Variants in EHMT2 observed in about 807,000 individuals in gnomAD.
EHMT2 encodes the protein euchromatic histone lysine methyltransferase 2, also known as histone-lysine N-methyltransferase EHMT2.
A neutral mutation model predicts 143.3 loss-of-function variants in EHMT2; 59 were observed. That is an observed-to-expected ratio of 0.41 (90% CI 0.33 to 0.51). The LOEUF is 0.51. EHMT2 is among the 20% of genes least tolerant of loss of function. The probability of loss-of-function intolerance (pLI) is 0.18; values close to 1 mark genes in which losing one functional copy is unlikely to be tolerated. For missense variants in EHMT2, 1,174 were observed against 1,645.9 expected (o/e 0.71, Z 4.96); for synonymous variants, 604 against 651.5 (o/e 0.93, Z 1.11).
Position 31,889,293 on chromosome 6 carries a change from C to A in EHMT2, c.1049G>T (p.Ser350Ile). The A allele has an allele frequency of 6.2e-7, 1 of 1,612,446 alleles. No individual in the cohort carries two copies. The highest frequency in any genetic ancestry group is 8.5e-7 in the Non-Finnish European group (1 of 1,180,008). ...TTTCCGAGACGGCTTCACCCATGGG[C>A]TGTCTTTTCGCCATTTCTTCTTGGC... The change falls in exon 9 of 28, where the codon AGC becomes ATC. Residue 350 changes from serine (S) to isoleucine (I), a missense_variant. Physicochemically the swap from Ser to Ile is moderately radical, Grantham distance 142 (BLOSUM62 -2). Coordinates refer to ENST00000375537, the Ensembl canonical transcript of EHMT2. The surrounding 1 kb of genome is among the most constrained non-coding windows in gnomAD (Gnocchi z 5.1).
intron 1 of EHMT2, chr6:31,897,296 G>T: frequency 1.6e-6 from 1 of 643,232 alleles, no homozygotes; most frequent in Non-Finnish European, 2.1e-6. Flanking sequence ...CTCCCCCTTT[G>T]TCCCCCAGGC....
chr6:31,882,635 T>C, intron 25 of EHMT2, 64 bp downstream of exon 25: 1 of 1,490,984 alleles, frequency 6.7e-7, no homozygotes, highest in Non-Finnish European at 9.2e-7. Context: ...GAGGGAGGCC[T>C]GGCAGTCAGC....
intron 17 of EHMT2, 23 bp downstream of exon 17, chr6:31,886,752 C>T (rs755389952): frequency 1.5e-5 from 24 of 1,613,994 alleles, no homozygotes; most frequent in East Asian, 2.2e-5. Context: ...CCGGGGGCCA[C>T]GCCCTGCTGC....
Position 31,884,934 on chromosome 6 carries a change from G to A in EHMT2, c.2426C>T (p.Ala809Val). The stretch of plus-strand genomic sequence containing the variant: ...CACGTTGTCAGTGAGGGTGACGTCG[G>A]CGCCCCGCGTCAGTAGCATGCGGAT... The change falls in exon 19 of 28, where the codon GCC (alanine) becomes GTC (valine). Residue 809 changes from alanine (A) to valine (V), a missense_variant. Ala to Val is a moderately conservative substitution (Grantham distance 64). Around this residue, in one of 6 missense-constraint regions of EHMT2, gnomAD observed 608 missense variants for 903.7 expected, o/e 0.67. Coordinates refer to ENST00000375537, the Ensembl canonical transcript of EHMT2. The surrounding 1 kb of genome is among the most constrained non-coding windows in gnomAD (Gnocchi z 7.3). 1 of 1,606,634 alleles carries A rather than the reference G, an allele frequency of 6.2e-7. No homozygotes were observed. Among genetic ancestry groups the A allele is most frequent in the Non-Finnish European group, 8.5e-7 (1 of 1,174,294 alleles).
At position 31,880,976 on chromosome 6, in the gene EHMT2, C is replaced by T; in HGVS notation, c.3276+38G>A. 1 of 1,610,440 alleles carries T rather than the reference C, an allele frequency of 6.2e-7. No homozygotes were observed. ...TTCCCAGAGGCTCCTGAAAGCCAGC[C>T]CTGGGGAGCAGCAGGGTAAGGAGGG... is the stretch of plus-strand genomic sequence containing the variant. On this transcript the variant is annotated intron_variant, in intron 26 of 27. Coordinates refer to ENST00000375537, the Ensembl canonical transcript of EHMT2. This position sits in a 1 kb window ranked among gnomAD's most constrained non-coding sequence, Gnocchi z 6.6.
At position 31,888,353 on chromosome 6, in the gene EHMT2, G is replaced by A. The variant is rs768465924; in HGVS notation, c.1509+10C>T. On this transcript the variant is annotated intron_variant, in intron 12 of 27. Transcript: ENST00000375537. This position sits in a 1 kb window ranked among gnomAD's most constrained non-coding sequence, Gnocchi z 7.4. ...GGGCATGCTACCTGTCTGCCCCACT[G>A]GTCACTCACCGCCGTGCAGAAGTAG... The A allele has an allele frequency of 1.2e-6, 2 of 1,612,262 alleles. No individual in the cohort carries two copies. Among genetic ancestry groups the A allele is most frequent in the East Asian group, 4.5e-5 (2 of 44,850 alleles).
chr6:31,886,617 C>A, exon 18 of EHMT2: 1 of 1,613,370 alleles, frequency 6.2e-7, no homozygotes, highest in Non-Finnish European at 8.5e-7. Context: ...TGCTCAGCAG[C>A]AGGCTGACCA....
rs760242023 is a variant in EHMT2, at chr6:31,889,646, G to A, written c.865-44C>T. 1 of 1,603,312 alleles carries A rather than the reference G, an allele frequency of 6.2e-7. No homozygotes were observed. Among genetic ancestry groups the A allele is most frequent in the South Asian group, 1.1e-5 (1 of 91,002 alleles). On this transcript the variant is annotated intron_variant, in intron 7 of 27. Coordinates refer to ENST00000375537, the Ensembl canonical transcript of EHMT2. The surrounding 1 kb of genome is among the most constrained non-coding windows in gnomAD (Gnocchi z 5.1). ...AGACATATCCAACCCCCAGGACTCA[G>A]ACAATGAGGTGAGTAAAGAAAACCA...
rs1763896361 is a variant in EHMT2 at position 31,880,059 on chromosome 6, T to TG, written c.*24dup. The TG allele has an allele frequency of 1.2e-6, 2 of 1,603,254 alleles. No individual in the cohort carries two copies. The highest frequency in any genetic ancestry group is 2.2e-5 in the East Asian group (1 of 44,554). On this transcript the variant is annotated 3_prime_UTR_variant, in exon 28 of 28. Coordinates refer to ENST00000375537, the Ensembl canonical transcript of EHMT2. This position sits in a 1 kb window ranked among gnomAD's most constrained non-coding sequence, Gnocchi z 6.6. ...GCGGCTGAGCTGTGGCCATCCATGC[T>TG]GGGGAGAGAGGGTGTGGTCCGTTCT...
Position 31,889,322 on chromosome 6 carries a change from G to T in EHMT2, c.1020C>A (p.Arg340=). Reference sequence around the variant, plus strand: ...CTTTTCGCCATTTCTTCTTGGCCTTGCGCCGGCCACTGGAACCACTCTGGG... The same window carrying T: ...CTTTTCGCCATTTCTTCTTGGCCTTTCGCCGGCCACTGGAACCACTCTGGG... The change falls in exon 9 of 28, where the codon CGC becomes CGA. Residue 340 remains arginine, a synonymous_variant. Transcript: ENST00000375537. The surrounding 1 kb of genome is among the most constrained non-coding windows in gnomAD (Gnocchi z 5.1). 1 of 1,612,150 alleles carries T rather than the reference G, an allele frequency of 6.2e-7. No individual in the cohort carries two copies. Among genetic ancestry groups the T allele is most frequent in the Non-Finnish European group, 8.5e-7 (1 of 1,179,996 alleles).
intron 7 of EHMT2, among the ~76,000 whole-genome samples, chr6:31,891,629 T>C (rs1203482728): frequency 6.6e-6 from 1 of 152,136 alleles, no homozygotes; most frequent in Non-Finnish European, 1.5e-5. Flanking sequence ...CAAGTTTTCA[T>C]GATAAAATGT....
At chr6:31,896,102 G>T in intron 4 of EHMT2, 161 bp downstream of exon 4, 1 of 977,950 alleles carries the variant, frequency 1.0e-6, no homozygotes. Context: ...AGAGGAACCT[G>T]TCTGTTGGTT....
intron 7 of EHMT2, among the ~76,000 whole-genome samples, chr6:31,891,984 G>A (rs1018641714): frequency 6.6e-6 from 1 of 152,202 alleles, no homozygotes; most frequent in African/African-American, 2.4e-5. Context: ...GCTCACAGCT[G>A]TAATCCCAGC....
chr6:31,885,261 A>T (rs985097197), intron 18 of EHMT2: 1 of 435,270 alleles, frequency 2.3e-6, no homozygotes, highest in African/African-American at 2.0e-5. Flanking sequence ...GCGGATCACG[A>T]GGTCAGGAGA....
At chr6:31,891,357 A>G (rs1409466019) in intron 7 of EHMT2, among the ~76,000 whole-genome samples, 8 of 152,220 alleles carry the variant, frequency 5.3e-5, no homozygotes, top group Non-Finnish European at 1.0e-4. Context: ...TGATGGTATT[A>G]AGAAATCGGT....
At position 31,883,356 on chromosome 6, in the gene EHMT2, A is replaced by ACG; in HGVS notation, c.2994+4_2994+5dup. On this transcript the variant is annotated splice_donor_region_variant and intron_variant, in intron 23 of 27. Coordinates refer to ENST00000375537, the Ensembl canonical transcript of EHMT2. The surrounding 1 kb of genome is among the most constrained non-coding windows in gnomAD (Gnocchi z 5.6). ...GGTGTCTGTGGCCAAGGCAAGGGGC[A>ACG]CGCACCTTGTCATACCAGCACCGGA... 1 of 1,612,620 alleles carries ACG rather than the reference A, an allele frequency of 6.2e-7. No homozygotes were observed. The highest frequency in any genetic ancestry group is 8.5e-7 in the Non-Finnish European group (1 of 1,179,740).
rs1004668261 is a variant in EHMT2, at chr6:31,884,743, T to C, written c.2505A>G (p.Glu835=). Residue 835 remains glutamate, a synonymous_variant, in exon 20 of 28, where the codon GAA becomes GAG. Coordinates refer to ENST00000375537, the Ensembl canonical transcript of EHMT2. The surrounding 1 kb of genome is among the most constrained non-coding windows in gnomAD (Gnocchi z 7.3). Reference sequence around the variant, plus strand: ...GGTCACAGCGCGCATTCAGAAGGACTTCGGCGATGGCGGCGCTGCCCGTGA... The same window carrying C: ...GGTCACAGCGCGCATTCAGAAGGACCTCGGCGATGGCGGCGCTGCCCGTGA... 19 of 1,602,598 alleles carry C rather than the reference T, an allele frequency of 1.2e-5. No individual in the cohort carries two copies. Among genetic ancestry groups the C allele is most frequent in the Non-Finnish European group, 1.5e-5 (18 of 1,174,928 alleles).
rs1413968482 is a variant in EHMT2, at chr6:31,888,128, C to T, written c.1658G>A (p.Gly553Glu). Reference sequence around the variant, plus strand: ...TGCAGTGCCGGCCGGTGGGGTCACCCCGTCACCCCGGGGGATGGTCACCTC... The same window carrying T: ...TGCAGTGCCGGCCGGTGGGGTCACCTCGTCACCCCGGGGGATGGTCACCTC... Residue 553 changes from glycine (G) to glutamate (E), a missense_variant, in exon 13 of 28, where the codon GGG becomes GAG. Gly to Glu is a moderately conservative substitution (Grantham distance 98). Around this residue, in one of 6 missense-constraint regions of EHMT2, gnomAD observed 608 missense variants for 903.7 expected, o/e 0.67. Coordinates refer to ENST00000375537, the Ensembl canonical transcript of EHMT2. This position sits in a 1 kb window ranked among gnomAD's most constrained non-coding sequence, Gnocchi z 7.4. The T allele has an allele frequency of 1.2e-6, 2 of 1,612,332 alleles. No homozygotes were observed. The highest frequency in any genetic ancestry group is 1.7e-6 in the Non-Finnish European group (2 of 1,179,766).
chr6:31,880,691 C>T lies in EHMT2; in HGVS notation c.3434G>A (p.Arg1145Gln), dbSNP rs760598540. Residue 1145 changes from arginine (R) to glutamine (Q), a missense_variant, in exon 27 of 28, where the codon CGG (arginine) becomes CAG (glutamine). Transcript: ENST00000375537. The surrounding 1 kb of genome is among the most constrained non-coding windows in gnomAD (Gnocchi z 6.6). ...GTCTCACCCTAGCTCCTCCCCAGTC[C>T]GGATGTCTCGGGAACTGAAGAAGGC... is the stretch of plus-strand genomic sequence containing the variant. The T allele has an allele frequency of 5.0e-6, 8 of 1,613,772 alleles. No individual in the cohort carries two copies. Among genetic ancestry groups the T allele is most frequent in the East Asian group, 4.5e-5 (2 of 44,880 alleles).
Sources: allele counts gnomAD v4.1 joint callset (sites outside exome capture counted in the v4.1 genomes callset), GRCh38; gene constraint gnomAD v4.1.1; regional missense constraint gnomAD v4.1.1; non-coding constraint Gnocchi (gnomAD v3.1); transcripts MANE v1.5; gene names NCBI Gene and HGNC (gene_info 2026-07-23, HGNC 2026-07-21).